The following SMOC1 variants were observed in gnomAD, a reference collection of about 807,000 sequenced individuals.
SMOC1 encodes SPARC-related modular calcium-binding protein 1.
Under a neutral mutation model 56.3 loss-of-function variants are expected in SMOC1, and 22 were observed. That is an observed-to-expected ratio of 0.39 (90% CI 0.28 to 0.56). SMOC1 has a LOEUF of 0.56. SMOC1 is among the 20% of genes least tolerant of loss of function. The pLI is 0.61. For missense variants in SMOC1, 509 were observed against 565.4 expected (o/e 0.90, Z 1.01); for synonymous variants, 193 against 215.0 (o/e 0.90, Z 0.89).
chr14:69,946,477 C>T (rs1882788905), intron 1 of SMOC1, among the ~76,000 whole-genome samples: 1 of 152,156 alleles, frequency 6.6e-6, no homozygotes, highest in African/African-American at 2.4e-5. Context: ...ATTATGCAAT[C>T]ATATTTAACA....
At chr14:69,916,474 T>A (rs1343701968) in intron 1 of SMOC1, among the ~76,000 whole-genome samples, 4 of 152,132 alleles carry the variant, frequency 2.6e-5, no homozygotes, top group African/African-American at 7.2e-5. Context: ...CATTCACTCC[T>A]CTGCTGCCCA....
chr14:69,895,352 T>C (rs990534567), intron 1 of SMOC1, among the ~76,000 whole-genome samples: 2 of 152,220 alleles, frequency 1.3e-5, no homozygotes, highest in African/African-American at 4.8e-5. Context: ...CGATTCTGTT[T>C]GAAGAAGTAA....
At chr14:69,912,297 G>A (rs570713503) in intron 1 of SMOC1, among the ~76,000 whole-genome samples, 1 of 152,294 alleles carries the variant, frequency 6.6e-6, no homozygotes, top group African/African-American at 2.4e-5. Flanking sequence ...CACTCAGGCT[G>A]GAGTGTAGTT....
intron 1 of SMOC1, among the ~76,000 whole-genome samples, chr14:69,890,291 G>A (rs987302378): frequency 3.3e-5 from 5 of 152,190 alleles, no homozygotes; most frequent in African/African-American, 1.2e-4. Context: ...AATAAAGGTA[G>A]ATATGTCTTT....
chr14:69,880,580 C>T (rs369154946), intron 1 of SMOC1, among the ~76,000 whole-genome samples: 1 of 152,174 alleles, frequency 6.6e-6, no homozygotes, highest in Non-Finnish European at 1.5e-5. Context: ...CGCAACACCC[C>T]CCACCAATTG....
intron 1 of SMOC1, among the ~76,000 whole-genome samples, chr14:69,902,247 C>G (rs1377362069): frequency 1.3e-5 from 2 of 152,162 alleles, no homozygotes; most frequent in African/African-American, 2.4e-5. Context: ...AAATCCAACA[C>G]AGAGCAAAAG....
intron 11 of SMOC1, among the ~76,000 whole-genome samples, chr14:70,027,225 A>T (rs1465642911): frequency 1.3e-5 from 2 of 152,314 alleles, no homozygotes; most frequent in East Asian, 1.9e-4. Flanking sequence ...TCAAGGGTAC[A>T]TGTGAGGTAC....
intron 5 of SMOC1, among the ~76,000 whole-genome samples, chr14:69,989,667 A>G (rs1372697909): frequency 6.6e-6 from 1 of 152,184 alleles, no homozygotes; most frequent in African/African-American, 2.4e-5. Context: ...TTACATGTGA[A>G]GGGGGATTTG....
chr14:69,922,932 C>CTTTTTTTT lies in SMOC1; in HGVS notation c.100-29205_100-29198dup, dbSNP rs536127994. On this transcript the variant is annotated intron_variant, in intron 1 of 11. Coordinates refer to ENST00000361956, the MANE Select transcript of SMOC1 (RefSeq NM_001034852.3). ...GGTCCTAGAGCAGGGTCTCAGCCCT[C>CTTTTTTTT]TTTTTTTTGTTTTTTTTGTTTTTTG... is the stretch of plus-strand genomic sequence containing the variant. Among the ~76,000 whole-genome samples the CTTTTTTTT allele has an allele frequency of 8.7e-4, 128 of 147,678 alleles. 1 individual carries two copies. Among genetic ancestry groups the CTTTTTTTT allele is most frequent in the African/African-American group, 2.7e-3 (105 of 38,646 alleles).
At chr14:69,978,744 A>T (rs536164296) in intron 5 of SMOC1, among the ~76,000 whole-genome samples, 24 of 152,278 alleles carry the variant, frequency 1.6e-4, no homozygotes, top group Admixed American at 9.2e-4. Context: ...TAGTGCCTTT[A>T]ATGGCACTTT....
chr14:70,021,543 C>T (rs1202541518), intron 10 of SMOC1, among the ~76,000 whole-genome samples: 1 of 152,196 alleles, frequency 6.6e-6, no homozygotes, highest in African/African-American at 2.4e-5. Context: ...GGCTCCCTCA[C>T]ACCTTCCGCC....
chr14:69,896,818 C>T (rs984168013), intron 1 of SMOC1, among the ~76,000 whole-genome samples: 2 of 152,242 alleles, frequency 1.3e-5, no homozygotes, highest in Admixed American at 6.5e-5. Flanking sequence ...ACTGGACGCT[C>T]TGTCTTTCTT....
chr14:69,953,907 C>A (rs540164168), intron 3 of SMOC1, among the ~76,000 whole-genome samples: 1 of 152,110 alleles, frequency 6.6e-6, no homozygotes, highest in Non-Finnish European at 1.5e-5. Context: ...TATTCCCTTC[C>A]CTGTTTTTTG....
intron 1 of SMOC1, among the ~76,000 whole-genome samples, chr14:69,930,532 C>A (rs1885140147): frequency 6.6e-6 from 1 of 152,288 alleles, no homozygotes; most frequent in African/African-American, 2.4e-5. Context: ...AACACCGAGT[C>A]AGTTCCAGCC....
intron 1 of SMOC1, among the ~76,000 whole-genome samples, chr14:69,924,354 T>C (rs1884932630): frequency 6.6e-6 from 1 of 152,228 alleles, no homozygotes. Flanking sequence ...TTGTCATTTT[T>C]TGTGGTGAGA....
rs1241472431 is a variant in SMOC1 at position 70,027,148 on chromosome 14, T to TG, written c.1292-3093dup. 1.6e-4 allele frequency among the ~76,000 whole-genome samples: 25 copies of TG among 152,342 alleles called. No homozygotes were observed. The East Asian group carries it at 2.9e-3, about 18-fold the overall frequency. On this transcript the variant is annotated intron_variant, in intron 11 of 11. Transcript: ENST00000361956. ...CAAGCAGCCCAGAGCTAGAAGGCTCTGTGGGTCCTCTAGTCCATTTTGCAG... is the reference window on the plus strand; with the variant it reads ...CAAGCAGCCCAGAGCTAGAAGGCTCTGGTGGGTCCTCTAGTCCATTTTGCAG...
At chr14:69,981,537 G>A (rs1025215835) in intron 5 of SMOC1, among the ~76,000 whole-genome samples, 1 of 152,082 alleles carries the variant, frequency 6.6e-6, no homozygotes, top group Non-Finnish European at 1.5e-5. Context: ...TTGTGTGTGT[G>A]GGAGAGGGGG....
rs773424827 is a variant in SMOC1 at position 69,955,528 on chromosome 14, T to C, written c.378+1996T>C. On this transcript the variant is annotated intron_variant, in intron 3 of 11. Coordinates refer to ENST00000361956, the MANE Select transcript of SMOC1 (RefSeq NM_001034852.3). ...ATGATCATTATTATAGCTTCCCTCA[T>C]TAGGTTGTGATGAAGATAAAATCAG... 1.4e-3 allele frequency among the ~76,000 whole-genome samples: 211 copies of C among 152,174 alleles called. 5 individuals carry two copies. The highest frequency in any genetic ancestry group is 3.4e-3 in the Middle Eastern group (1 of 294).
intron 1 of SMOC1, among the ~76,000 whole-genome samples, chr14:69,909,985 A>G (rs970839041): frequency 5.9e-5 from 9 of 152,142 alleles, no homozygotes; most frequent in Admixed American, 1.3e-4. Flanking sequence ...CCTTTGAACC[A>G]TGTTTCCTAA....
Sources: allele counts gnomAD v4.1 joint callset (sites outside exome capture counted in the v4.1 genomes callset), GRCh38; gene constraint gnomAD v4.1.1; transcripts MANE v1.5; gene names NCBI Gene and HGNC (gene_info 2026-07-23, HGNC 2026-07-21).